The following BSDC1 variants were observed in gnomAD, a reference collection of about 807,000 sequenced individuals.
BSDC1 encodes BSD domain-containing protein 1.
BSDC1 carries 29 observed loss-of-function variants against 56.0 expected under a neutral mutation model. The ratio of observed to expected loss-of-function variants is 0.52; its 90% CI spans 0.39 to 0.71. BSDC1 has a LOEUF of 0.71. Ranked by LOEUF, BSDC1 falls within the 30% of genes least tolerant of loss-of-function variation. The pLI, the probability that BSDC1 is intolerant of heterozygous loss-of-function variation, is 0.00. For missense variants in BSDC1, 477 were observed against 548.5 expected, an observed-to-expected ratio of 0.87 and a Z score of 1.30; for synonymous variants, 210 against 215.3, an observed-to-expected ratio of 0.98 and a Z score of 0.21.
intron 2 of BSDC1, among the ~76,000 whole-genome samples, chr1:32,393,090 T>C (rs1642921642): frequency 6.6e-6 from 1 of 151,890 alleles, no homozygotes; most frequent in South Asian, 2.1e-4. Flanking sequence ...ACTCCCAGAG[T>C]AGAGGACTTA....
Position 32,377,950 on chromosome 1 carries a change from C to G in BSDC1, c.676+20G>C. ...CCGCACAGATGTGACACTTGCCCCT[C>G]ACCTCTCAACGCCTCTTACCTTCCT... is the stretch of plus-strand genomic sequence containing the variant. On this transcript the variant is annotated intron_variant, in intron 8 of 10. Transcript: ENST00000455895. The G allele has an allele frequency of 6.2e-7, 1 of 1,603,914 alleles. No homozygotes were observed. Among genetic ancestry groups the G allele is most frequent in the Non-Finnish European group, 8.5e-7 (1 of 1,174,668 alleles).
intron 5 of BSDC1, among the ~76,000 whole-genome samples, chr1:32,379,830 C>T (rs950103296): frequency 3.9e-5 from 6 of 152,180 alleles, no homozygotes; most frequent in African/African-American, 1.4e-4. Context: ...ACCTCTGACA[C>T]GGGATTCCTA....
At chr1:32,372,509 TTGGG>T (rs1642127025) in intron 9 of BSDC1, among the ~76,000 whole-genome samples, 1 of 152,222 alleles carries the variant, frequency 6.6e-6, no homozygotes, top group Non-Finnish European at 1.5e-5. Context: ...CATCTAGCTC[TTGGG>T]TGGGTATTAA....
intron 9 of BSDC1, among the ~76,000 whole-genome samples, chr1:32,373,733 G>A (rs543002868): frequency 5.9e-5 from 9 of 152,136 alleles, no homozygotes; most frequent in Admixed American, 2.0e-4. Flanking sequence ...CAATGCCAGG[G>A]CTGGTCTTAA....
intron 8 of BSDC1, among the ~76,000 whole-genome samples, chr1:32,377,587 C>A (rs1474875948): frequency 6.6e-6 from 1 of 152,142 alleles, no homozygotes; most frequent in Non-Finnish European, 1.5e-5. Context: ...CTCAGTGGTT[C>A]CCAAACCAGC....
rs2148137449 is a variant in BSDC1, at chr1:32,386,751, T to C, written c.189+28A>G. ...GACAGGACAGGTTGCGAGGGGCAGT[T>C]ACTTGGGAGGGTTTGGGTGGTACTC... On this transcript the variant is annotated intron_variant, in intron 3 of 10. Transcript: ENST00000455895. The C allele has an allele frequency of 1.9e-6, 3 of 1,588,120 alleles. No individual in the cohort carries two copies. In the East Asian group the frequency reaches 6.7e-5, roughly 36 times the overall value.
At chr1:32,374,981 T>C (rs1642224226) in intron 9 of BSDC1, among the ~76,000 whole-genome samples, 1 of 151,860 alleles carries the variant, frequency 6.6e-6, no homozygotes, top group Non-Finnish European at 1.5e-5. Context: ...TGAAACCCCA[T>C]CTCTACTAAA....
rs752624440 is a variant in BSDC1 at position 32,376,534 on chromosome 1, G to A, written c.884C>T (p.Ala295Val). 3 of 1,570,890 alleles carry A rather than the reference G, an allele frequency of 1.9e-6. No homozygotes were observed. The highest frequency in any genetic ancestry group is 2.3e-5 in the East Asian group (1 of 44,290). ...CTTGGGTAGCACTCGTGCCTCAGGT[G>A]CAGTGGCCGGGTTGGCGATCTGTGT... is the stretch of plus-strand genomic sequence containing the variant. ...LVTQIANPAT[A>V]PEARVLPKDL... The change falls in exon 9 of 11, where the codon GCA becomes GTA. Residue 295 changes from alanine (A) to valine (V), a missense_variant. Physicochemically the swap from Ala to Val is moderately conservative, Grantham distance 64 (BLOSUM62 0). Coordinates refer to ENST00000455895, the MANE Select transcript of BSDC1 (RefSeq NM_018045.8).
intron 10 of BSDC1, chr1:32,367,225 T>C: frequency 2.0e-6 from 2 of 985,512 alleles, no homozygotes; most frequent in South Asian, 9.4e-5. Flanking sequence ...ACGGAACGTT[T>C]TCTTGCTTTG....
chr1:32,388,860 C>T (rs1417938779), intron 2 of BSDC1, among the ~76,000 whole-genome samples: 2 of 152,204 alleles, frequency 1.3e-5, no homozygotes, highest in Non-Finnish European at 2.9e-5. Context: ...AACTCCTGTT[C>T]ATCCTCAACG....
intron 2 of BSDC1, among the ~76,000 whole-genome samples, chr1:32,390,877 CT>C (rs1005167437): frequency 6.6e-6 from 1 of 152,122 alleles, no homozygotes; most frequent in Non-Finnish European, 1.5e-5. Flanking sequence ...CATCACTGCA[CT>C]TCAGCTTGGG....
At chr1:32,369,679 C>T (rs1641997358) in intron 9 of BSDC1, among the ~76,000 whole-genome samples, 2 of 152,222 alleles carry the variant, frequency 1.3e-5, no homozygotes, top group South Asian at 2.1e-4. Context: ...CAGATATCTA[C>T]AAGACCAACT....
chr1:32,376,130 G>C (rs1642270791), intron 9 of BSDC1, 132 bp downstream of exon 9: 5 of 936,322 alleles, frequency 5.3e-6, no homozygotes, highest in Admixed American at 5.5e-5. Context: ...TCAATATATA[G>C]CAGCTGTCAT....
chr1:32,386,638 T>C (rs1642681546), intron 3 of BSDC1, 141 bp downstream of exon 3: 1 of 535,258 alleles, frequency 1.9e-6, no homozygotes, highest in Non-Finnish European at 3.2e-6. Context: ...CCAGACACAA[T>C]TCTTTCAAAA....
intron 2 of BSDC1, among the ~76,000 whole-genome samples, chr1:32,389,057 C>T (rs1194079750): frequency 1.3e-5 from 2 of 151,604 alleles, no homozygotes; most frequent in Non-Finnish European, 2.9e-5. Flanking sequence ...CGGGTTCATG[C>T]CATTCTCCTG....
intron 9 of BSDC1, among the ~76,000 whole-genome samples, chr1:32,371,660 C>T (rs1299070053): frequency 1.3e-5 from 2 of 151,874 alleles, no homozygotes; most frequent in Non-Finnish European, 2.9e-5. Context: ...CCTGATCCTC[C>T]AACGGCATGA....
In BSDC1 at chr1:32,371,479, T is replaced by C. The variant is rs577672104; in HGVS notation, c.1157-2929A>G. ...GCGCCCGCCACCACGCCCGGCTAAT[T>C]TTTTATATTTTTAGTAGAGATGGGG... On this transcript the variant is annotated intron_variant, in intron 9 of 10. Transcript: ENST00000455895. Among the ~76,000 whole-genome samples, 5 of 151,860 alleles carry C rather than the reference T, an allele frequency of 3.3e-5. No homozygotes were observed. The South Asian group carries it at 1.0e-3, about 32-fold the overall frequency.
intron 8 of BSDC1, 59 bp downstream of exon 8, chr1:32,377,911 C>T: frequency 6.6e-7 from 1 of 1,525,608 alleles, no homozygotes; most frequent in Non-Finnish European, 8.9e-7. Flanking sequence ...GAGCATGGCC[C>T]AGCCCAGAGC....
chr1:32,384,256 GGTCA>G (rs960960042), intron 3 of BSDC1, among the ~76,000 whole-genome samples: 11 of 152,118 alleles, frequency 7.2e-5, no homozygotes, highest in African/African-American at 2.7e-4. Flanking sequence ...AAAATTTCAA[GGTCA>G]GTCAGGCCGG....
Sources: allele counts gnomAD v4.1 joint callset (sites outside exome capture counted in the v4.1 genomes callset), GRCh38; gene constraint gnomAD v4.1.1; transcripts MANE v1.5; gene names NCBI Gene and HGNC (gene_info 2026-07-23, HGNC 2026-07-21).